Variants in RIN2 observed in about 807,000 individuals in gnomAD.
The protein encoded by RIN2 is Ras and Rab interactor 2, also known as RAB5 interacting protein 2.
Under a neutral mutation model 78.0 loss-of-function variants are expected in RIN2, and 36 were observed. That is an observed-to-expected ratio of 0.46 (90% CI 0.35 to 0.61). The LOEUF (loss-of-function observed/expected upper bound fraction) is 0.61. Ranked by LOEUF, RIN2 falls within the 20% of genes least tolerant of loss-of-function variation. RIN2 has a pLI of 0.00. For synonymous variants in RIN2, 466 were observed against 466.8 expected (o/e 1.00, Z 0.02); for missense variants, 1,087 against 1,159.7 (o/e 0.94, Z 0.91).
At chr20:19,810,356 T>C (rs13042341) in intron 2 of RIN2, among the ~76,000 whole-genome samples, 20,641 of 151,698 alleles carry the variant, frequency 0.14, 1,819 homozygotes, top group African/African-American at 0.25. Flanking sequence ...TGCAGTGAGC[T>C]GAGATTGTGC....
intron 1 of RIN2, among the ~76,000 whole-genome samples, chr20:19,771,346 G>A (rs2034112448): frequency 6.6e-6 from 1 of 152,208 alleles, no homozygotes; most frequent in South Asian, 2.1e-4. Context: ...GATTTTTGGA[G>A]TTGTATGGCA....
At chr20:19,932,556 C>G (rs1000192404) in intron 3 of RIN2, among the ~76,000 whole-genome samples, 15 of 152,206 alleles carry the variant, frequency 9.9e-5, no homozygotes, top group Admixed American at 9.8e-4. Flanking sequence ...GAAGCTCCCC[C>G]TCTGGTCCTT....
At position 19,872,501 on chromosome 20, in the gene RIN2, G is replaced by A. The variant is rs551313474; in HGVS notation, c.-36-17065G>A. Among the ~76,000 whole-genome samples the A allele has an allele frequency of 3.5e-4, 53 of 152,206 alleles. 1 individual carries two copies. Among genetic ancestry groups the A allele is most frequent in the African/African-American group, 1.2e-3 (51 of 41,520 alleles). The stretch of plus-strand genomic sequence containing the variant: ...CCTCCTACCATACACTCCTATGCAC[G>A]TCTTACTGCAACTTTCTGCCTGGCC... On this transcript the variant is annotated intron_variant, in intron 2 of 12. Transcript: ENST00000255006.
At chr20:19,929,406 G>T (rs2040355484) in intron 3 of RIN2, among the ~76,000 whole-genome samples, 2 of 152,148 alleles carry the variant, frequency 1.3e-5, no homozygotes, top group African/African-American at 2.4e-5. Context: ...CTGTCACCCA[G>T]GCTGGAGTGC....
rs372163907 is a variant in RIN2, at chr20:19,996,795, A to C, written c.2317A>C (p.Lys773Gln). 7.5e-6 allele frequency: 12 copies of C among 1,609,778 alleles called. No individual in the cohort carries two copies. The highest frequency in any genetic ancestry group is 3.3e-4 in the Middle Eastern group (2 of 6,064). The change falls in exon 12 of 13, where the codon AAA becomes CAA. Residue 773 changes from lysine (K) to glutamine (Q), a missense_variant. By Grantham distance (53) the Lys-to-Gln change is moderately conservative. Coordinates refer to ENST00000255006, the MANE Select transcript of RIN2 (RefSeq NM_018993.4). ...CAGAGACACCCTGAGGCAGTGGCAC[A>C]AACGGAGAACCACCAACCGGACCAT... ...ETRDTLRQWHKRRTTNRTIPS... is the reference protein window; with the variant it reads ...ETRDTLRQWHQRRTTNRTIPS...
Position 19,844,586 on chromosome 20 carries a change from TGCTGCTGCTTCTTCC to T in RIN2, c.-37+44840_-37+44854del, listed in dbSNP as rs1219760211. 1.5e-3 allele frequency among the ~76,000 whole-genome samples: 217 copies of T among 140,752 alleles called. 1 individual carries two copies. Among genetic ancestry groups the T allele is most frequent in the African/African-American group, 5.5e-3 (211 of 38,372 alleles). The allele number at this position is 140,752 out of a possible 152,430, so 92.3% of individuals were successfully genotyped here. A position where few individuals can be genotyped will look rare whatever the true frequency, so the allele number is the denominator to read the frequency against. ...TGGCCAACTAGAGAGCTGCTGCTGC[TGCTGCTGCTTCTTCC>T]TCTTCTTCTTCTTCTTCTTCTTCTT... On this transcript the variant is annotated intron_variant, in intron 2 of 12. Transcript: ENST00000255006.
At chr20:19,780,048 A>G (rs1192016470) in intron 1 of RIN2, among the ~76,000 whole-genome samples, 1 of 152,254 alleles carries the variant, frequency 6.6e-6, no homozygotes, top group Admixed American at 6.5e-5. Flanking sequence ...CTCATTGTAT[A>G]TGATTTGAAC....
chr20:19,790,372 C>G (rs1406093014), intron 1 of RIN2, among the ~76,000 whole-genome samples: 1 of 152,138 alleles, frequency 6.6e-6, no homozygotes, highest in Non-Finnish European at 1.5e-5. Flanking sequence ...CTCCACTTGG[C>G]TTTCATTCTC....
intron 4 of RIN2, among the ~76,000 whole-genome samples, chr20:19,956,257 C>CAA (rs11483774): frequency 0.015 from 774 of 50,652 alleles, 10 homozygotes; most frequent in African/African-American, 0.05. Flanking sequence ...GACTCCATCT[C>CAA]AAAAAAAAAA....
At chr20:19,988,141 CAG>C (rs953487243) in intron 9 of RIN2, among the ~76,000 whole-genome samples, 4 of 152,192 alleles carry the variant, frequency 2.6e-5, no homozygotes, top group African/African-American at 9.7e-5. Context: ...TCTTTTGAGA[CAG>C]AGTCTCATTC....
chr20:19,849,857 C>A (rs1406950008), intron 2 of RIN2, among the ~76,000 whole-genome samples: 11 of 152,164 alleles, frequency 7.2e-5, no homozygotes, highest in Non-Finnish European at 5.9e-5. Flanking sequence ...AAACAGCAGC[C>A]TCCAGAAAAT....
At chr20:19,891,148 T>C (rs993898700) in intron 3 of RIN2, among the ~76,000 whole-genome samples, 3 of 152,204 alleles carry the variant, frequency 2.0e-5, no homozygotes, top group Admixed American at 6.5e-5. Flanking sequence ...ATGGTCTCAA[T>C]TATCAATCCT....
chr20:19,902,015 CAAAAAAAAAA>C (rs55949901), intron 3 of RIN2, among the ~76,000 whole-genome samples: 37,676 of 103,162 alleles, frequency 0.37, 6,071 homozygotes, highest in Admixed American at 0.46. Context: ...GACTCTGTCT[CAAAAAAAAAA>C]AAAAAAAAAA....
At chr20:19,923,962 T>C in intron 3 of RIN2, among the ~76,000 whole-genome samples, 1 of 151,442 alleles carries the variant, frequency 6.6e-6, no homozygotes, top group Non-Finnish European at 1.5e-5. Context: ...AGGGCAGAGT[T>C]CTGTTTCAAA....
At chr20:19,798,369 C>T (rs1366931757) in intron 1 of RIN2, among the ~76,000 whole-genome samples, 1 of 151,916 alleles carries the variant, frequency 6.6e-6, no homozygotes. Context: ...AACATGGACC[C>T]AGGCATGAAG....
At chr20:19,869,182 G>A (rs62200201) in intron 2 of RIN2, among the ~76,000 whole-genome samples, 38,886 of 151,822 alleles carry the variant, frequency 0.26, 5,067 homozygotes, top group East Asian at 0.32. Context: ...ATGAGTCTGC[G>A]CTGGAGAGAG....
At chr20:19,923,425 TAAATAAAATAAAATAAAATA>T (rs561665019) in intron 3 of RIN2, among the ~76,000 whole-genome samples, 16 of 125,298 alleles carry the variant, frequency 1.3e-4, no homozygotes, top group Admixed American at 2.5e-4. Context: ...CAAAATAAAA[TAAATAAAATAAAATAAAATA>T]AAATAAAATA....
At chr20:19,805,703 A>G (rs963089490) in intron 2 of RIN2, among the ~76,000 whole-genome samples, 3 of 151,878 alleles carry the variant, frequency 2.0e-5, no homozygotes, top group African/African-American at 7.3e-5. Flanking sequence ...CGCCTGGCCC[A>G]AGTTACAAGG....
intron 2 of RIN2, among the ~76,000 whole-genome samples, chr20:19,842,218 TTTGTTTG>T (rs2036599736): frequency 9.9e-4 from 3 of 3,028 alleles, no homozygotes; most frequent in African/African-American, 2.5e-3. Flanking sequence ...GTTTTTTTTG[TTTGTTTG>T]TTTGTTTGTT....
Sources: allele counts gnomAD v4.1 joint callset (sites outside exome capture counted in the v4.1 genomes callset), GRCh38; gene constraint gnomAD v4.1.1; transcripts MANE v1.5; gene names NCBI Gene and HGNC (gene_info 2026-07-23, HGNC 2026-07-21).